The following CDH13 variants were observed in gnomAD, a reference collection of about 807,000 sequenced individuals.
The protein encoded by CDH13 is cadherin-13.
A neutral mutation model predicts 63.8 loss-of-function variants in CDH13; 24 were observed. The observed-to-expected ratio is 0.38, with a 90% CI of 0.27 to 0.53. CDH13 has a LOEUF of 0.53. Among genes scored for constraint, CDH13 ranks in the 20% least tolerant of loss-of-function variants. The pLI is 0.85. For missense variants in CDH13, 1,049 were observed against 903.1 expected (o/e 1.16, Z -2.07); for synonymous variants, 503 against 355.3 (o/e 1.42, Z -4.67).
At chr16:82,717,875 A>T (rs954040990) in intron 1 of CDH13, among the ~76,000 whole-genome samples, 19 of 151,608 alleles carry the variant, frequency 1.3e-4, no homozygotes, top group Non-Finnish European at 1.6e-4. Flanking sequence ...GTGGGGGGGA[A>T]GTAGCCAGTT....
intron 7 of CDH13, among the ~76,000 whole-genome samples, chr16:83,583,736 C>T (rs1905859824): frequency 6.6e-6 from 1 of 150,636 alleles, no homozygotes; most frequent in African/African-American, 2.4e-5. Flanking sequence ...GGTGAAACTC[C>T]ATCTCTACTA....
At chr16:83,579,565 C>A (rs1905357461) in intron 7 of CDH13, among the ~76,000 whole-genome samples, 1 of 152,034 alleles carries the variant, frequency 6.6e-6, no homozygotes, top group Non-Finnish European at 1.5e-5. Flanking sequence ...AAATCCACCC[C>A]CTTGATCCAG....
intron 2 of CDH13, among the ~76,000 whole-genome samples, chr16:82,900,940 G>A (rs1017600814): frequency 6.6e-6 from 1 of 152,168 alleles, no homozygotes; most frequent in Non-Finnish European, 1.5e-5. Flanking sequence ...CCAGGAATGG[G>A]GCCTTCATGG....
At chr16:83,271,378 T>G (rs1187685732) in intron 5 of CDH13, among the ~76,000 whole-genome samples, 1 of 116,508 alleles carries the variant, frequency 8.6e-6, no homozygotes, top group Non-Finnish European at 1.6e-5. Flanking sequence ...CATTCTTGTG[T>G]TGGATCTAGA....
rs987368988 is a variant in CDH13 at position 83,137,438 on chromosome 16, G to A, written c.483+11937G>A. On this transcript the variant is annotated intron_variant, in intron 4 of 13. Transcript: ENST00000567109. ...AACCTCGCCAACATTTATTTGATGT[G>A]CGTGTTTGTGCGCTGAGTCAGGGCC... Among the ~76,000 whole-genome samples, 4 of 152,188 alleles carry A rather than the reference G, an allele frequency of 2.6e-5. No individual in the cohort carries two copies. In the South Asian group the frequency reaches 8.3e-4, roughly 32 times the overall value.
At chr16:82,676,320 C>G (rs1597292419) in intron 1 of CDH13, among the ~76,000 whole-genome samples, 1 of 152,216 alleles carries the variant, frequency 6.6e-6, no homozygotes, top group East Asian at 1.9e-4. Flanking sequence ...TCAAGGCTTT[C>G]TAGTGTTCCC....
intron 2 of CDH13, among the ~76,000 whole-genome samples, chr16:82,952,968 A>T (rs553639606): frequency 1.3e-4 from 20 of 152,356 alleles, no homozygotes; most frequent in Middle Eastern, 3.4e-3. Flanking sequence ...AATTCAGAGG[A>T]CTAAGCAAAT....
rs193217955 is a variant in CDH13, at chr16:83,047,602, A to G, written c.366+15384A>G. 2.0e-5 allele frequency among the ~76,000 whole-genome samples: 3 copies of G among 152,360 alleles called. No homozygotes were observed. The East Asian group carries it at 5.8e-4, about 29-fold the overall frequency. ...CTCCCTGTATTTTCCCAAATTCTGC[A>G]TAAATAAAATAATATGCTCCATAAT... On this transcript the variant is annotated intron_variant, in intron 3 of 13. Coordinates refer to ENST00000567109, the MANE Select transcript of CDH13 (RefSeq NM_001257.5). This position sits in a 1 kb window ranked among gnomAD's most constrained non-coding sequence, Gnocchi z 4.9.
chr16:82,840,017 G>C (rs2038939347), intron 1 of CDH13, among the ~76,000 whole-genome samples: 1 of 152,148 alleles, frequency 6.6e-6, no homozygotes, highest in South Asian at 2.1e-4. Context: ...GACATGAGAA[G>C]AAAAAGTTAT....
At chr16:82,725,878 C>G (rs1044157523) in intron 1 of CDH13, among the ~76,000 whole-genome samples, 2 of 152,082 alleles carry the variant, frequency 1.3e-5, no homozygotes, top group Admixed American at 6.6e-5. Flanking sequence ...CTCCAGTTAC[C>G]TTTCTGTTCA....
chr16:83,487,229 A>T (rs911251044), intron 7 of CDH13, among the ~76,000 whole-genome samples: 8 of 152,186 alleles, frequency 5.3e-5, no homozygotes, highest in African/African-American at 1.7e-4. Context: ...CAGTCAGTCC[A>T]CATGCCTGCT....
chr16:83,296,161 T>C (rs779718869), intron 5 of CDH13, among the ~76,000 whole-genome samples: 6 of 152,224 alleles, frequency 3.9e-5, no homozygotes, highest in African/African-American at 9.6e-5. Context: ...ATAGTCCTTG[T>C]ATAGGGCCAT....
chr16:82,672,615 A>G (rs1913385462), intron 1 of CDH13, among the ~76,000 whole-genome samples: 1 of 152,000 alleles, frequency 6.6e-6, no homozygotes, highest in Non-Finnish European at 1.5e-5. Context: ...TATCTAGGTG[A>G]TCAGTCACCA....
chr16:82,698,459 C>A (rs987682397), intron 1 of CDH13, among the ~76,000 whole-genome samples: 1 of 152,184 alleles, frequency 6.6e-6, no homozygotes, highest in Admixed American at 6.5e-5. Context: ...TGCTCACTGC[C>A]CATGCATATG....
At chr16:83,013,655 C>T (rs1160577947) in intron 2 of CDH13, among the ~76,000 whole-genome samples, 1 of 152,212 alleles carries the variant, frequency 6.6e-6, no homozygotes, top group African/African-American at 2.4e-5. Context: ...GTCTATTCCT[C>T]AGAGTTAGAT....
chr16:83,291,414 T>G (rs768792622), intron 5 of CDH13, among the ~76,000 whole-genome samples: 1 of 152,132 alleles, frequency 6.6e-6, no homozygotes, highest in African/African-American at 2.4e-5. Context: ...ACCTGAGGTT[T>G]GGCGACCCAG....
intron 5 of CDH13, among the ~76,000 whole-genome samples, chr16:83,290,998 G>T (rs897370860): frequency 2.6e-5 from 4 of 152,042 alleles, no homozygotes; most frequent in Admixed American, 2.6e-4. Context: ...CCTGTCTTTT[G>T]TGCACTCATG....
chr16:83,773,975 G>A (rs1046738679), intron 11 of CDH13, among the ~76,000 whole-genome samples: 5 of 152,152 alleles, frequency 3.3e-5, no homozygotes, highest in African/African-American at 4.8e-5. Flanking sequence ...GCTGGAAGAC[G>A]AGGCCTCAGC....
chr16:82,914,286 T>C (rs1267000977), intron 2 of CDH13, among the ~76,000 whole-genome samples: 1 of 152,206 alleles, frequency 6.6e-6, no homozygotes, highest in Non-Finnish European at 1.5e-5. Context: ...CATTGAGTCC[T>C]AACTGTGTGT....
Sources: allele counts gnomAD v4.1 joint callset (sites outside exome capture counted in the v4.1 genomes callset), GRCh38; gene constraint gnomAD v4.1.1; non-coding constraint Gnocchi (gnomAD v3.1); transcripts MANE v1.5; gene names NCBI Gene and HGNC (gene_info 2026-07-23, HGNC 2026-07-21).